The following KALRN variants were observed in gnomAD, a reference collection of about 807,000 sequenced individuals.
KALRN encodes the protein kalirin.
KALRN carries 70 observed loss-of-function variants against 353.7 expected under a neutral mutation model. The ratio of observed to expected loss-of-function variants is 0.20; its 90% confidence interval spans 0.16 to 0.24. The LOEUF is 0.24. KALRN is among the 10% of genes least tolerant of loss of function. The pLI is 1.00. For synonymous variants in KALRN, 1,391 were observed against 1,434.8 expected, an observed-to-expected ratio of 0.97 and a Z score of 0.69; for missense variants, 2,791 against 3,756.7, an observed-to-expected ratio of 0.74 and a Z score of 6.72.
At chr3:124,309,496 T>G (rs1210217487) in intron 6 of KALRN, among the ~76,000 whole-genome samples, 1 of 152,152 alleles carries the variant, frequency 6.6e-6, no homozygotes, top group African/African-American at 2.4e-5. Context: ...AGGAGTTTTA[T>G]GGCTTTAATG....
intron 3 of KALRN, among the ~76,000 whole-genome samples, chr3:124,248,832 C>G (rs2070717689): frequency 6.6e-6 from 1 of 152,210 alleles, no homozygotes; most frequent in African/African-American, 2.4e-5. Flanking sequence ...TTATCTGTTT[C>G]CATCGCTAGT....
chr3:124,366,398 TGATGACTC>T (rs2084697224), intron 10 of KALRN, among the ~76,000 whole-genome samples: 1 of 148,886 alleles, frequency 6.7e-6, no homozygotes, highest in Non-Finnish European at 1.5e-5. Flanking sequence ...TAGGGATTGG[TGATGACTC>T]TTAACGAGCA....
chr3:124,471,566 A>G (rs913051918), intron 25 of KALRN, among the ~76,000 whole-genome samples: 25 of 152,070 alleles, frequency 1.6e-4, no homozygotes, highest in African/African-American at 5.8e-4. Flanking sequence ...GAGGAGGATG[A>G]AGCTTTGGAA....
At chr3:124,485,007 A>T (rs199745982) in intron 28 of KALRN, among the ~76,000 whole-genome samples, 2 of 152,142 alleles carry the variant, frequency 1.3e-5, no homozygotes, top group Non-Finnish European at 2.9e-5. Context: ...GAGGCATGAG[A>T]ATTGCTTGAG....
chr3:124,174,438 A>G (rs2072367117), intron 1 of KALRN, among the ~76,000 whole-genome samples: 2 of 152,184 alleles, frequency 1.3e-5, no homozygotes, highest in African/African-American at 4.8e-5. Flanking sequence ...TGTCTTAAAA[A>G]AAGGAAAAAA....
chr3:124,541,931 G>A (rs1384694335), intron 33 of KALRN, among the ~76,000 whole-genome samples: 2 of 151,410 alleles, frequency 1.3e-5, no homozygotes, highest in Non-Finnish European at 1.5e-5. Context: ...GCCCCAGGCC[G>A]AGATGGTGCC....
At chr3:124,513,517 T>TCC (rs1186338568) in intron 33 of KALRN, among the ~76,000 whole-genome samples, 1 of 151,786 alleles carries the variant, frequency 6.6e-6, no homozygotes, top group African/African-American at 2.4e-5. Context: ...TCAAGACAGC[T>TCC]CCCCCGAACC....
chr3:124,637,451 C>A, intron 37 of KALRN, 148 bp downstream of exon 37: 1 of 663,990 alleles, frequency 1.5e-6, no homozygotes, highest in East Asian at 2.7e-5. Context: ...AGCTGTACCC[C>A]AGAGTCCTTT....
chr3:124,318,350 A>T (rs1280036931), intron 6 of KALRN, among the ~76,000 whole-genome samples: 1 of 152,320 alleles, frequency 6.6e-6, no homozygotes, highest in East Asian at 1.9e-4. Context: ...TGGGAGGCAG[A>T]AGTTGGAGGT....
intron 10 of KALRN, among the ~76,000 whole-genome samples, chr3:124,367,004 T>TG (rs1177406329): frequency 9.1e-6 from 1 of 109,566 alleles, no homozygotes; most frequent in Non-Finnish European, 1.9e-5. Context: ...CTGGCCGGGT[T>TG]GGGGGGCTGA....
intron 5 of KALRN, among the ~76,000 whole-genome samples, chr3:124,278,141 C>T (rs575365058): frequency 6.6e-6 from 1 of 151,550 alleles, no homozygotes; most frequent in South Asian, 2.1e-4. Context: ...TTACCCTAGG[C>T]CTTGGATGGA....
intron 57 of KALRN, among the ~76,000 whole-genome samples, chr3:124,704,222 G>A (rs1395358687): frequency 6.6e-6 from 1 of 152,088 alleles, no homozygotes; most frequent in Non-Finnish European, 1.5e-5. Context: ...CCCAATAATG[G>A]GCCGATTAAA....
At chr3:124,448,033 A>AAT (rs1210269739) in intron 21 of KALRN, among the ~76,000 whole-genome samples, 1 of 152,236 alleles carries the variant, frequency 6.6e-6, no homozygotes, top group Non-Finnish European at 1.5e-5. Flanking sequence ...AATAGGGCTT[A>AAT]TAATGAGCCA....
intron 1 of KALRN, among the ~76,000 whole-genome samples, chr3:124,066,949 G>T (rs1369276724): frequency 6.6e-6 from 1 of 152,184 alleles, no homozygotes. Flanking sequence ...CTCTAGCTAC[G>T]TAAGCTCTAG....
chr3:124,684,966 C>T (rs2061493981), intron 51 of KALRN, among the ~76,000 whole-genome samples: 1 of 152,146 alleles, frequency 6.6e-6, no homozygotes, highest in Non-Finnish European at 1.5e-5. Flanking sequence ...ACCACATCAG[C>T]TACTCTGGCC....
chr3:124,519,231 C>A (rs1298486393), intron 33 of KALRN: 3 of 964,020 alleles, frequency 3.1e-6, no homozygotes, highest in Non-Finnish European at 3.7e-6. Flanking sequence ...AAAAACTGGC[C>A]ACATGTTGAT....
chr3:124,501,719 C>T (rs1178562471), intron 33 of KALRN, among the ~76,000 whole-genome samples: 1 of 152,128 alleles, frequency 6.6e-6, no homozygotes, highest in East Asian at 1.9e-4. Context: ...AGAGAGGAAC[C>T]ACTCCCTGCA....
At chr3:124,397,968 A>G (rs60999206) in intron 12 of KALRN, among the ~76,000 whole-genome samples, 1 of 152,206 alleles carries the variant, frequency 6.6e-6, no homozygotes, top group African/African-American at 2.4e-5. Flanking sequence ...CTTATTTAAC[A>G]GCAAACTGTG....
At position 124,181,076 on chromosome 3, in the gene KALRN, C is replaced by CAAAAAAAAAAAAAA. The variant is rs60579271; in HGVS notation, c.74-46902_74-46889dup. On this transcript the variant is annotated intron_variant, in intron 1 of 59. Coordinates refer to ENST00000682506, the MANE Select transcript of KALRN (RefSeq NM_001388419.1). ...CAAAACCCCATCTCTACTAAAAATA[C>CAAAAAAAAAAAAAA]AAAAAAAAAAAAAAAAAAAAAAAAA... Among the ~76,000 whole-genome samples the CAAAAAAAAAAAAAA allele has an allele frequency of 2.0e-3, 110 of 55,222 alleles. 5 individuals carry two copies. Among genetic ancestry groups the CAAAAAAAAAAAAAA allele is most frequent in the African/African-American group, 3.0e-3 (40 of 13,394 alleles). 36.2% of individuals were successfully genotyped at this position (55,222 alleles called of 152,430 possible).
Sources: gnomAD v4.1 joint callset for allele counts (sites outside exome capture counted in the v4.1 genomes callset) on GRCh38, gnomAD v4.1.1 for gene constraint, MANE v1.5 for transcripts, NCBI Gene and HGNC (gene_info 2026-07-23, HGNC 2026-07-21) for gene names.